CFHR5: variants seen among roughly 807,000 people sequenced by gnomAD.
The protein encoded by CFHR5 is complement factor H related 5.
Under a neutral mutation model 62.9 loss-of-function variants are expected in CFHR5, and 73 were observed. That is an observed-to-expected ratio of 1.16 (90% CI 0.96 to 1.41). The LOEUF is 1.41. Ranked by LOEUF, CFHR5 falls within the 40% of genes most tolerant of loss-of-function variation. CFHR5 has a pLI of 0.00. For missense variants in CFHR5, 779 were observed against 679.9 expected (o/e 1.15, Z -1.62); for synonymous variants, 249 against 227.2 (o/e 1.10, Z -0.86).
chr1:197,002,610 G>A lies in CFHR5; in HGVS notation c.1276G>A (p.Ala426Thr), dbSNP rs2125038825. The A allele has an allele frequency of 6.2e-7, 1 of 1,613,582 alleles. No individual in the cohort carries two copies. ...TAAAGAAAACTATCTACTTCCAGAA[G>A]CAAAAGAAATTGTATGTAAAGATGG... ...LCKENYLLPE[A>T]KEIVCKDGRW... The change falls in exon 8 of 10, where the codon GCA becomes ACA. Residue 426 changes from alanine to threonine, a missense_variant. Coordinates refer to ENST00000256785, the MANE Select transcript of CFHR5 (RefSeq NM_030787.4).
chr1:196,988,545 T>A (rs1653757680), intron 3 of CFHR5, among the ~76,000 whole-genome samples: 1 of 152,210 alleles, frequency 6.6e-6, no homozygotes, highest in Non-Finnish European at 1.5e-5. Context: ...ATATGTTCCA[T>A]CAATACCTAG....
At chr1:196,983,713 G>A (rs114706056) in intron 2 of CFHR5, among the ~76,000 whole-genome samples, 2,049 of 152,098 alleles carry the variant, frequency 0.013, 39 homozygotes, top group African/African-American at 0.045. Flanking sequence ...GGTGCTAGAA[G>A]AGTTTATAAA....
In CFHR5 at chr1:197,009,463, A is replaced by C. The variant is rs1158862629; in HGVS notation, c.*780A>C. 6.6e-6 allele frequency: 1 copy of C among 152,182 alleles called. No individual in the cohort carries two copies. Among genetic ancestry groups the C allele is most frequent in the Non-Finnish European group, 1.5e-5 (1 of 68,026 alleles). The allele number at this position is 152,182 out of a possible 1,614,324, so 9.4% of individuals were successfully genotyped here. On this transcript the variant is annotated 3_prime_UTR_variant, in exon 10 of 10. Transcript: ENST00000256785. ...TGTCTCAAATTATAGGATAACTTTG[A>C]AACTTTCTGAATTAACGTTATTTAA...
At chr1:196,998,009 G>A in intron 6 of CFHR5, 119 bp from the exon 7 acceptor site, 1 of 647,974 alleles carries the variant, frequency 1.5e-6, no homozygotes. Context: ...TTTGTGCAAT[G>A]AGATTAAGAA....
intron 9 of CFHR5, among the ~76,000 whole-genome samples, chr1:197,005,955 G>A (rs939993841): frequency 6.6e-6 from 1 of 152,114 alleles, no homozygotes; most frequent in South Asian, 2.1e-4. Context: ...GTTAGTATAA[G>A]GCAGAAGTAT....
At position 197,008,979 on chromosome 1, in the gene CFHR5, G is replaced by T. The variant is rs776710591; in HGVS notation, c.*296G>T. On this transcript the variant is annotated 3_prime_UTR_variant, in exon 10 of 10. Transcript: ENST00000256785. ...TAAATCTAAAAGCTGAGAAGTCCAAGATGGTGGGGCTGCCTCTGGTGAGGG... is the reference window on the plus strand; with the variant it reads ...TAAATCTAAAAGCTGAGAAGTCCAATATGGTGGGGCTGCCTCTGGTGAGGG... 2.1e-5 allele frequency: 6 copies of T among 291,428 alleles called. No homozygotes were observed. Among genetic ancestry groups the T allele is most frequent in the Admixed American group, 9.0e-5 (2 of 22,264 alleles). The allele number at this position is 291,428 out of a possible 1,614,324, so 18.1% of individuals were successfully genotyped here.
At chr1:196,979,124 C>T (rs1367223151) in intron 1 of CFHR5, among the ~76,000 whole-genome samples, 1 of 152,180 alleles carries the variant, frequency 6.6e-6, no homozygotes, top group East Asian at 1.9e-4. Flanking sequence ...TATTGTGCTT[C>T]ATGCTGTAGC....
At chr1:196,984,960 A>T (rs1284242750) in intron 3 of CFHR5, among the ~76,000 whole-genome samples, 1 of 152,130 alleles carries the variant, frequency 6.6e-6, no homozygotes, top group Non-Finnish European at 1.5e-5. Flanking sequence ...CTGGGCTTTC[A>T]TTGACTTTGC....
At chr1:196,979,622 G>GGTAA (rs1421493443) in intron 1 of CFHR5, among the ~76,000 whole-genome samples, 1 of 152,062 alleles carries the variant, frequency 6.6e-6, no homozygotes, top group Non-Finnish European at 1.5e-5. Flanking sequence ...AGTTGTTCTG[G>GGTAA]GTAAGTCACT....
chr1:196,998,587 CTT>C (rs1431688114), intron 7 of CFHR5, among the ~76,000 whole-genome samples: 2 of 151,906 alleles, frequency 1.3e-5, no homozygotes, highest in Admixed American at 6.6e-5. Context: ...AAGAACAAAA[CTT>C]AATCTTCAAT....
At chr1:196,983,796 A>G (rs1653605215) in intron 2 of CFHR5, among the ~76,000 whole-genome samples, 165 bp from the exon 3 acceptor site, 1 of 152,186 alleles carries the variant, frequency 6.6e-6, no homozygotes. Context: ...ATATATAGGA[A>G]CAAAAAATAT....
chr1:196,976,778 C>T (rs867927449), upstream of CFHR5, among the ~76,000 whole-genome samples: 2 of 147,878 alleles, frequency 1.4e-5, no homozygotes, highest in Non-Finnish European at 1.5e-5. Context: ...TTTCAGGAAA[C>T]GTTACTTGGC....
chr1:196,996,440 A>T (rs1653991732), intron 6 of CFHR5, among the ~76,000 whole-genome samples: 1 of 152,168 alleles, frequency 6.6e-6, no homozygotes, highest in Non-Finnish European at 1.5e-5. Flanking sequence ...TTCTGGCATG[A>T]TGAATGGAAA....
At chr1:197,004,951 C>A (rs1205654673) in intron 9 of CFHR5, 108 bp downstream of exon 9, 2 of 898,928 alleles carry the variant, frequency 2.2e-6, no homozygotes, top group African/African-American at 1.7e-5. Flanking sequence ...CAGTCAAAAT[C>A]TTTCCTGTCA....
chr1:196,998,464 T>C (rs1205505744), intron 7 of CFHR5, among the ~76,000 whole-genome samples, 160 bp downstream of exon 7: 2 of 152,068 alleles, frequency 1.3e-5, no homozygotes, highest in African/African-American at 4.8e-5. Flanking sequence ...CAGACAAATG[T>C]TATTCTTTAA....
At chr1:196,991,825 G>T (rs368620445) in intron 3 of CFHR5, among the ~76,000 whole-genome samples, 17 of 152,300 alleles carry the variant, frequency 1.1e-4, no homozygotes, top group African/African-American at 4.1e-4. Flanking sequence ...GTGTCTCCCA[G>T]TTAGGCTACA....
At position 196,983,976 on chromosome 1, in the gene CFHR5, C is replaced by T. The variant is rs1653611450; in HGVS notation, c.269C>T (p.Pro90Leu). Reference protein sequence around the residue: ...TPKCLRMCSFPFVKNGHSESS... With the variant: ...TPKCLRMCSFLFVKNGHSESS... ...TGTTCCTTAGGAATGTGTTCCTTTC[C>T]TTTTGTGAAAAATGGTCATTCTGAA... Residue 90 changes from proline (P) to leucine (L), a missense_variant, in exon 3 of 10, where the codon CCT (proline) becomes CTT (leucine). Physicochemically the swap from Pro to Leu is moderately conservative, Grantham distance 98. Transcript: ENST00000256785. 1 of 1,609,068 alleles carries T rather than the reference C, an allele frequency of 6.2e-7. No individual in the cohort carries two copies. Among genetic ancestry groups the T allele is most frequent in the Admixed American group, 1.7e-5 (1 of 59,736 alleles).
At chr1:196,995,390 T>G (rs1653962533) in intron 4 of CFHR5, among the ~76,000 whole-genome samples, 1 of 152,136 alleles carries the variant, frequency 6.6e-6, no homozygotes, top group African/African-American at 2.4e-5. Flanking sequence ...AGGACTAAAA[T>G]TTCACTGTCA....
At chr1:196,982,308 G>T (rs1006594204) in intron 1 of CFHR5, among the ~76,000 whole-genome samples, 1 of 152,084 alleles carries the variant, frequency 6.6e-6, no homozygotes, top group Non-Finnish European at 1.5e-5. Context: ...TGAGGATATT[G>T]TTCTTGAAGA....
Sources: gnomAD v4.1 joint callset for allele counts (sites outside exome capture counted in the v4.1 genomes callset) on GRCh38, gnomAD v4.1.1 for gene constraint, MANE v1.5 for transcripts, NCBI Gene and HGNC (gene_info 2026-07-23, HGNC 2026-07-21) for gene names.